The following B3GALT1 variants were observed in gnomAD, a reference collection of about 807,000 sequenced individuals.
B3GALT1 encodes beta-1,3-galactosyltransferase 1.
Under a neutral mutation model 23.2 loss-of-function variants are expected in B3GALT1, and 10 were observed. The observed-to-expected ratio is 0.43, with a 90% CI of 0.27 to 0.73. The LOEUF (loss-of-function observed/expected upper bound fraction) is 0.73, where lower values mean the gene tolerates loss of function less well. Ranked by LOEUF, B3GALT1 falls within the 30% of genes least tolerant of loss-of-function variation. The pLI, the probability that B3GALT1 is intolerant of heterozygous loss-of-function variation, is 0.21. For synonymous variants in B3GALT1, 156 were observed against 141.5 expected (o/e 1.10, Z -0.73); for missense variants, 299 against 405.4 (o/e 0.74, Z 2.25).
chr2:167,572,228 G>A (rs1574146279), intron 2 of B3GALT1, among the ~76,000 whole-genome samples: 1 of 151,900 alleles, frequency 6.6e-6, no homozygotes. Flanking sequence ...CCAAATGTCT[G>A]CTTGCTAGTA....
intron 3 of B3GALT1, among the ~76,000 whole-genome samples, chr2:167,665,752 G>C (rs1686166703): frequency 6.6e-6 from 1 of 152,204 alleles, no homozygotes; most frequent in East Asian, 1.9e-4. Context: ...TATTTGCGTA[G>C]AGGTGTTTGT....
At chr2:167,530,287 T>C (rs912033841) in intron 2 of B3GALT1, among the ~76,000 whole-genome samples, 3 of 152,198 alleles carry the variant, frequency 2.0e-5, no homozygotes, top group Non-Finnish European at 4.4e-5. Flanking sequence ...TCTATTTTTG[T>C]TATTACACTT....
chr2:167,510,626 T>G (rs187400468), intron 2 of B3GALT1, among the ~76,000 whole-genome samples: 16 of 152,290 alleles, frequency 1.1e-4, no homozygotes, highest in East Asian at 3.9e-4. Flanking sequence ...CTGCTAACCT[T>G]TGGCTTCCCA....
intron 1 of B3GALT1, among the ~76,000 whole-genome samples, chr2:167,361,833 G>A (rs1425338284): frequency 6.6e-6 from 1 of 152,106 alleles, no homozygotes; most frequent in Non-Finnish European, 1.5e-5. Flanking sequence ...CAGTACTTTG[G>A]GAGACCGAGA....
At chr2:167,386,110 G>A (rs1697926065) in intron 1 of B3GALT1, among the ~76,000 whole-genome samples, 1 of 152,136 alleles carries the variant, frequency 6.6e-6, no homozygotes, top group South Asian at 2.1e-4. Context: ...TTTGCTAACT[G>A]ACATAGACGA....
chr2:167,808,002 T>C (rs1484281999), intron 3 of B3GALT1, among the ~76,000 whole-genome samples: 1 of 152,280 alleles, frequency 6.6e-6, no homozygotes, highest in Middle Eastern at 3.4e-3. Context: ...TGGGTGCATA[T>C]ATATTTAGGA....
At chr2:167,809,712 G>C (rs545996106) in intron 3 of B3GALT1, among the ~76,000 whole-genome samples, 21 of 152,330 alleles carry the variant, frequency 1.4e-4, no homozygotes, top group Admixed American at 2.6e-4. Context: ...GTGCCTCCCA[G>C]TTAGGCTACT....
intron 3 of B3GALT1, among the ~76,000 whole-genome samples, chr2:167,792,541 G>A (rs559149268): frequency 6.6e-6 from 1 of 152,262 alleles, no homozygotes; most frequent in South Asian, 2.1e-4. Flanking sequence ...AGGTCTTGAG[G>A]GATAAGTAGG....
At chr2:167,366,331 A>G (rs758353704) in intron 1 of B3GALT1, among the ~76,000 whole-genome samples, 2 of 152,330 alleles carry the variant, frequency 1.3e-5, no homozygotes, top group African/African-American at 2.4e-5. Flanking sequence ...TCTGGAGTCA[A>G]GGGAAATATG....
intron 4 of B3GALT1, among the ~76,000 whole-genome samples, chr2:167,844,275 C>G (rs958217866): frequency 1.3e-5 from 2 of 152,162 alleles, no homozygotes; most frequent in African/African-American, 4.8e-5. Flanking sequence ...TGCAGCTCCA[C>G]ACAGAGCAGC....
At chr2:167,633,134 C>T (rs1685480201) in intron 2 of B3GALT1, among the ~76,000 whole-genome samples, 1 of 151,862 alleles carries the variant, frequency 6.6e-6, no homozygotes, top group Non-Finnish European at 1.5e-5. Flanking sequence ...TCCAGGAGAA[C>T]TTCCCCAATC....
intron 3 of B3GALT1, among the ~76,000 whole-genome samples, chr2:167,774,934 C>T (rs1574256070): frequency 6.6e-6 from 1 of 152,252 alleles, no homozygotes; most frequent in Middle Eastern, 3.4e-3. Context: ...TATCATTTGC[C>T]TATCAGAGCA....
At chr2:167,756,167 C>G (rs1456301725) in intron 3 of B3GALT1, among the ~76,000 whole-genome samples, 2 of 152,070 alleles carry the variant, frequency 1.3e-5, no homozygotes, top group Non-Finnish European at 2.9e-5. Flanking sequence ...TGCCCATTCC[C>G]ACCCCGCCCC....
At chr2:167,605,106 C>A (rs78472584) in intron 2 of B3GALT1, among the ~76,000 whole-genome samples, 1 of 152,188 alleles carries the variant, frequency 6.6e-6, no homozygotes, top group African/African-American at 2.4e-5. Context: ...TATCCCCATA[C>A]CCCAATGCTT....
At chr2:167,864,002 G>C (rs1161102868) in intron 4 of B3GALT1, among the ~76,000 whole-genome samples, 3 of 150,408 alleles carry the variant, frequency 2.0e-5, no homozygotes, top group African/African-American at 7.3e-5. Context: ...GTGTGTGTGT[G>C]TGTGTGTGTG....
At chr2:167,586,806 AT>A (rs1684591950) in intron 2 of B3GALT1, among the ~76,000 whole-genome samples, 1 of 152,144 alleles carries the variant, frequency 6.6e-6, no homozygotes, top group Admixed American at 6.5e-5. Context: ...TTAATATGTA[AT>A]TTTTTTGAGA....
chr2:167,500,812 A>G (rs1013824409), intron 2 of B3GALT1, among the ~76,000 whole-genome samples: 5 of 152,144 alleles, frequency 3.3e-5, no homozygotes, highest in Non-Finnish European at 7.4e-5. Context: ...AAGAGTAGAA[A>G]AATCTTTGGA....
At position 167,869,900 on chromosome 2, in the gene B3GALT1, C is replaced by T. The variant is rs1690309236; in HGVS notation, c.861C>T (p.His287=). The change falls in exon 5 of 5, where the codon CAC becomes CAT. Residue 287 remains histidine, a synonymous_variant. Transcript: ENST00000392690. The surrounding 1 kb of genome is among the most constrained non-coding windows in gnomAD (Gnocchi z 6.4). Reference sequence around the variant, plus strand: ...CTTTCCAGAACAGTGGCTTCAATCACTGGAAAATGGCCTACAGTTTGTGTA... The same window carrying T: ...CTTTCCAGAACAGTGGCTTCAATCATTGGAAAATGGCCTACAGTTTGTGTA... ...IHPFQNSGFN[H]WKMAYSLCRY... 1 of 1,614,056 alleles carries T rather than the reference C, an allele frequency of 6.2e-7. No homozygotes were observed.
chr2:167,474,965 A>G (rs1374196857), intron 1 of B3GALT1, among the ~76,000 whole-genome samples: 2 of 152,194 alleles, frequency 1.3e-5, no homozygotes, highest in East Asian at 1.9e-4. Flanking sequence ...TATACCTGCT[A>G]TGCATTGTAA....
Sources: allele counts gnomAD v4.1 joint callset (sites outside exome capture counted in the v4.1 genomes callset), GRCh38; gene constraint gnomAD v4.1.1; non-coding constraint Gnocchi (gnomAD v3.1); transcripts MANE v1.5; gene names NCBI Gene and HGNC (gene_info 2026-07-23, HGNC 2026-07-21).